The following RANBP2 variants were observed in gnomAD, a reference collection of about 807,000 sequenced individuals.
RANBP2 encodes the protein E3 SUMO-protein ligase RanBP2.
Under a neutral mutation model 303.6 loss-of-function variants are expected in RANBP2, and 57 were observed. That is an observed-to-expected ratio of 0.19 (90% CI 0.15 to 0.23). The LOEUF (loss-of-function observed/expected upper bound fraction) is 0.23, where lower values mean the gene tolerates loss of function less well. Among genes scored for constraint, RANBP2 ranks in the 10% least tolerant of loss-of-function variants. RANBP2 has a pLI of 1.00. For missense variants in RANBP2, 3,138 were observed against 3,780.8 expected (o/e 0.83, Z 4.46); for synonymous variants, 1,167 against 1,301.5 (o/e 0.90, Z 2.23).
At chr2:109,574,638 C>T in the RANBP2 span, 4,500 of 1,603,710 alleles carry the variant, frequency 2.8e-3, 27 homozygotes, top group Non-Finnish European at 2.3e-3. Context: ...AGTGGCCTGT[C>T]GGTGAAATGA....
the RANBP2 span, among the ~76,000 whole-genome samples, chr2:109,524,304 G>A: frequency 6.6e-6 from 1 of 152,062 alleles, no homozygotes; most frequent in Non-Finnish European, 1.5e-5. Flanking sequence ...GTGGTCACAC[G>A]CTGCCCACTG....
At chr2:109,218,112 A>G in the RANBP2 span, among the ~76,000 whole-genome samples, 1 of 151,702 alleles carries the variant, frequency 6.6e-6, no homozygotes, top group Non-Finnish European at 1.5e-5. Flanking sequence ...TTGGAAACTG[A>G]GTAGAGACAG....
the RANBP2 span, among the ~76,000 whole-genome samples, chr2:109,174,238 A>G: frequency 6.6e-6 from 1 of 152,228 alleles, no homozygotes. Context: ...TGGACATCAC[A>G]GTTTTATCTA....
chr2:108,749,072 A>T lies in RANBP2; in HGVS notation c.1216A>T (p.Ile406Phe). The stretch of plus-strand genomic sequence containing the variant: ...TACATCTTTTCTTGGTAGCGATGAT[A>T]TTGGAAACATTGATGTACGAGAACC... ...KDTSFLGSDD[I>F]GNIDVREPEL... Residue 406 changes from isoleucine (I) to phenylalanine (F), a missense_variant, in exon 9 of 29, where the codon ATT (isoleucine) becomes TTT (phenylalanine). Ile to Phe is a conservative substitution (Grantham distance 21, BLOSUM62 0). Coordinates refer to ENST00000283195, the MANE Select transcript of RANBP2 (RefSeq NM_006267.5). The T allele has an allele frequency of 6.2e-7, 1 of 1,611,984 alleles. No individual in the cohort carries two copies. Among genetic ancestry groups the T allele is most frequent in the Non-Finnish European group, 8.5e-7 (1 of 1,179,870 alleles).
the RANBP2 span, among the ~76,000 whole-genome samples, chr2:109,711,829 A>G: frequency 6.6e-6 from 1 of 152,058 alleles, no homozygotes; most frequent in Admixed American, 6.6e-5. Flanking sequence ...TTAGCACCTG[A>G]AAGTGTCCGT....
the RANBP2 span, among the ~76,000 whole-genome samples, chr2:108,841,642 T>A: frequency 2.1e-3 from 318 of 152,250 alleles, 1 homozygote; most frequent in African/African-American, 7.2e-3. Flanking sequence ...TAGAATGAGT[T>A]TTTTTAATTA....
the RANBP2 span, among the ~76,000 whole-genome samples, chr2:109,367,119 A>ATTTTTTTTT: frequency 1.8e-5 from 2 of 113,292 alleles, no homozygotes; most frequent in African/African-American, 3.5e-5. Context: ...TGCCCTGGTA[A>ATTTTTTTTT]TTTTTTTTTT....
At chr2:109,599,098 A>C in the RANBP2 span, among the ~76,000 whole-genome samples, 1 of 152,112 alleles carries the variant, frequency 6.6e-6, no homozygotes, top group Non-Finnish European at 1.5e-5. Context: ...AGTAACATTC[A>C]GTTATTCAAG....
At chr2:109,438,638 T>C in the RANBP2 span, among the ~76,000 whole-genome samples, 2 of 152,306 alleles carry the variant, frequency 1.3e-5, no homozygotes, top group African/African-American at 4.8e-5. Context: ...GCAGCAATAT[T>C]ACCTGGTGCC....
At chr2:109,724,567 TG>T in the RANBP2 span, among the ~76,000 whole-genome samples, 11 of 152,164 alleles carry the variant, frequency 7.2e-5, no homozygotes, top group Non-Finnish European at 1.2e-4. Flanking sequence ...CTGTTGGAGT[TG>T]GCTGGGTCTT....
the RANBP2 span, among the ~76,000 whole-genome samples, chr2:109,047,459 C>T: frequency 6.6e-6 from 1 of 152,120 alleles, no homozygotes; most frequent in African/African-American, 2.4e-5. Context: ...GGCTTATTGC[C>T]CCCGGATTAC....
the RANBP2 span, among the ~76,000 whole-genome samples, chr2:109,017,532 C>T: frequency 6.6e-6 from 1 of 152,262 alleles, no homozygotes; most frequent in Non-Finnish European, 1.5e-5. Context: ...AGCTCCTGGG[C>T]AGACCTCAAG....
the RANBP2 span, among the ~76,000 whole-genome samples, chr2:109,313,099 C>T: frequency 5.3e-5 from 8 of 152,170 alleles, no homozygotes; most frequent in Non-Finnish European, 1.2e-4. Context: ...AGGTGGTGCT[C>T]CTGGCTCACA....
At chr2:109,067,190 C>T in the RANBP2 span, among the ~76,000 whole-genome samples, 1 of 152,110 alleles carries the variant, frequency 6.6e-6, no homozygotes, top group Non-Finnish European at 1.5e-5. Context: ...AGGACGCAGG[C>T]CTAGTGAGGC....
the RANBP2 span, among the ~76,000 whole-genome samples, chr2:109,577,728 C>G: frequency 6.6e-6 from 1 of 151,638 alleles, no homozygotes; most frequent in Non-Finnish European, 1.5e-5. Context: ...GCCTGGCCAA[C>G]ATGGCAAAAT....
chr2:109,074,045 CA>C, the RANBP2 span, among the ~76,000 whole-genome samples: 1 of 150,674 alleles, frequency 6.6e-6, no homozygotes, highest in Middle Eastern at 3.4e-3. Context: ...AAAAGAGGGA[CA>C]AAAGAACTAC....
the RANBP2 span, among the ~76,000 whole-genome samples, chr2:109,061,316 A>C: frequency 1.3e-5 from 2 of 152,144 alleles, no homozygotes; most frequent in African/African-American, 4.8e-5. Context: ...ATTTTAGGTA[A>C]GTGTAAAAAT....
the RANBP2 span, among the ~76,000 whole-genome samples, chr2:109,195,105 C>T: frequency 6.6e-6 from 1 of 152,116 alleles, no homozygotes. Context: ...GCATTTTACA[C>T]CTATATTTGT....
At chr2:108,972,095 G>A in the RANBP2 span, among the ~76,000 whole-genome samples, 1 of 152,238 alleles carries the variant, frequency 6.6e-6, no homozygotes, top group African/African-American at 2.4e-5. Context: ...GAAGGACACT[G>A]AGCCAGAACC....
Sources: allele counts gnomAD v4.1 joint callset (sites outside exome capture counted in the v4.1 genomes callset), GRCh38; gene constraint gnomAD v4.1.1; transcripts MANE v1.5; gene names NCBI Gene and HGNC (gene_info 2026-07-23, HGNC 2026-07-21).